Variants in SHROOM4 observed in about 807,000 individuals in gnomAD.
The protein encoded by SHROOM4 is protein Shroom4.
SHROOM4 carries 17 observed loss-of-function variants against 80.3 expected under a neutral mutation model. That is an observed-to-expected ratio of 0.21 (90% confidence interval 0.14 to 0.32). The LOEUF (loss-of-function observed/expected upper bound fraction) is 0.32. Among genes scored for constraint, SHROOM4 ranks in the 10% least tolerant of loss-of-function variants. The pLI, the probability that SHROOM4 is intolerant of heterozygous loss-of-function variation, is 1.00. For synonymous variants in SHROOM4, 400 were observed against 437.5 expected (o/e 0.91, Z 1.07); for missense variants, 993 against 1,140.3 (o/e 0.87, Z 1.86).
chrX:50,634,589 G>T lies in SHROOM4; in HGVS notation c.1484C>A (p.Pro495His). 1.7e-6 allele frequency: 2 copies of T among 1,211,604 alleles called. No individual in the cohort carries two copies. Among genetic ancestry groups the T allele is most frequent in the Non-Finnish European group, 2.2e-6 (2 of 895,496 alleles). ...LVLGHQSQSS[P>H]PHGEADGHPS... ...GTGTCCATCAGCCTCTCCATGTGGGGGACTGCTTTGGCTCTGGTGTCCCAA... is the reference window on the plus strand; with the variant it reads ...GTGTCCATCAGCCTCTCCATGTGGGTGACTGCTTTGGCTCTGGTGTCCCAA... The change falls in exon 4 of 9, where the codon CCC becomes CAC. Residue 495 changes from proline to histidine, a missense_variant. Pro to His is a moderately conservative substitution (Grantham distance 77, BLOSUM62 -2). Coordinates refer to ENST00000376020, the MANE Select transcript of SHROOM4 (RefSeq NM_020717.5).
intron 1 of SHROOM4, among the ~76,000 whole-genome samples, chrX:50,725,113 A>G (rs782090472): frequency 3.6e-5 from 4 of 112,162 alleles, no homozygotes; most frequent in Non-Finnish European, 7.5e-5. Context: ...TACAAGGCAG[A>G]TGTGGCTAAG....
intron 2 of SHROOM4, among the ~76,000 whole-genome samples, chrX:50,654,837 T>C (rs1160783261): frequency 9.3e-6 from 1 of 108,082 alleles, no homozygotes; most frequent in African/African-American, 3.4e-5. Flanking sequence ...GTTTGTTACA[T>C]GGGTATATTG....
At position 50,709,161 on chromosome X, in the gene SHROOM4, TGAAAA is replaced by T. The variant is rs782162321; in HGVS notation, c.118-13229_118-13225del. On this transcript the variant is annotated intron_variant, in intron 1 of 8. Coordinates refer to ENST00000376020, the MANE Select transcript of SHROOM4 (RefSeq NM_020717.5). ...TCTGTAACACGGTCACTGGGACACT[TGAAAA>T]GAAAGAAGCAACGAGAAGCTTGCTG... 2.7e-5 allele frequency among the ~76,000 whole-genome samples: 3 copies of T among 111,244 alleles called. No individual in the cohort carries two copies. The East Asian group carries it at 8.5e-4, about 32-fold the overall frequency.
downstream of SHROOM4, among the ~76,000 whole-genome samples, chrX:50,586,383 G>C (rs1414972290): frequency 2.7e-5 from 3 of 111,769 alleles, no homozygotes; most frequent in Non-Finnish European, 5.6e-5. Context: ...AACACCCAGG[G>C]AGGTGAGTTC....
At chrX:50,758,041 T>G (rs1467662881) in intron 1 of SHROOM4, among the ~76,000 whole-genome samples, 1 of 111,639 alleles carries the variant, frequency 9.0e-6, no homozygotes, top group African/African-American at 3.3e-5. Context: ...TTATTCCATT[T>G]TTTGATGCTA....
intron 1 of SHROOM4, among the ~76,000 whole-genome samples, chrX:50,738,798 T>C (rs1934568659): frequency 9.0e-6 from 1 of 111,484 alleles, no homozygotes; most frequent in South Asian, 3.8e-4. Flanking sequence ...CAAGCTACCA[T>C]TGACTTTTTT....
At chrX:50,756,413 T>G (rs1935040684) in intron 1 of SHROOM4, among the ~76,000 whole-genome samples, 2 of 112,546 alleles carry the variant, frequency 1.8e-5, no homozygotes, top group Admixed American at 1.9e-4. Context: ...TTGGGGTGTT[T>G]CTGCCTTTTG....
intron 1 of SHROOM4, among the ~76,000 whole-genome samples, chrX:50,780,259 A>G (rs1023146704): frequency 5.4e-5 from 6 of 111,732 alleles, no homozygotes; most frequent in Non-Finnish European, 1.1e-4. Flanking sequence ...GCAAAGGGTA[A>G]GAAAGTAGGG....
rs782719466 is a variant in SHROOM4 at position 50,733,396 on chromosome X, T to C, written c.118-37459A>G. On this transcript the variant is annotated intron_variant, in intron 1 of 8. Transcript: ENST00000376020. ...GGCCTAAAAGGAAGTGATTAGGTCATGAGGGCATTGCCCTTATGAATAAAT... is the reference window on the plus strand; with the variant it reads ...GGCCTAAAAGGAAGTGATTAGGTCACGAGGGCATTGCCCTTATGAATAAAT... 3.3e-4 allele frequency among the ~76,000 whole-genome samples: 37 copies of C among 111,796 alleles called. 1 individual carries two copies. Among genetic ancestry groups the C allele is most frequent in the Non-Finnish European group, 5.5e-4 (29 of 53,156 alleles).
At chrX:50,657,471 A>T (rs1407680107) in intron 2 of SHROOM4, among the ~76,000 whole-genome samples, 6 of 110,469 alleles carry the variant, frequency 5.4e-5, no homozygotes, top group African/African-American at 1.6e-4. Context: ...TCATGAAAGC[A>T]TGTTGCACTT....
At chrX:50,775,172 G>A (rs782400617) in intron 1 of SHROOM4, among the ~76,000 whole-genome samples, 3 of 111,576 alleles carry the variant, frequency 2.7e-5, no homozygotes, top group African/African-American at 9.8e-5. Context: ...AGTTTAGACA[G>A]CAGATACCAG....
the SHROOM4 span, among the ~76,000 whole-genome samples, chrX:50,579,956 T>C: frequency 8.9e-6 from 1 of 111,938 alleles, no homozygotes. Flanking sequence ...ACCTCCTCAC[T>C]GTAGTTTACT....
intron 2 of SHROOM4, among the ~76,000 whole-genome samples, chrX:50,651,757 A>G (rs1283438024): frequency 1.4e-4 from 11 of 78,010 alleles, no homozygotes; most frequent in Non-Finnish European, 2.7e-4. Context: ...GACATGCCCC[A>G]GTGTGTGACA....
intron 2 of SHROOM4, among the ~76,000 whole-genome samples, chrX:50,664,805 A>T (rs1371642629): frequency 9.0e-6 from 1 of 110,977 alleles, no homozygotes; most frequent in African/African-American, 3.3e-5. Context: ...TTAATGACAC[A>T]TAGTAGATAT....
intron 2 of SHROOM4, among the ~76,000 whole-genome samples, chrX:50,677,711 C>T (rs1033267319): frequency 9.0e-6 from 1 of 111,545 alleles, no homozygotes; most frequent in Non-Finnish European, 1.9e-5. Context: ...TTCATGCATT[C>T]ATTCATTGAC....
chrX:50,660,497 A>G (rs2147366386), intron 2 of SHROOM4, among the ~76,000 whole-genome samples: 1 of 102,379 alleles, frequency 9.8e-6, no homozygotes, highest in South Asian at 4.7e-4. Context: ...CTTTAATTGT[A>G]AGTGTTGAGC....
chrX:50,742,974 A>G lies in SHROOM4; in HGVS notation c.118-47037T>C, dbSNP rs1224234332. Among the ~76,000 whole-genome samples, 16 of 112,023 alleles carry G rather than the reference A, an allele frequency of 1.4e-4. No homozygotes were observed. In the East Asian group the frequency reaches 4.5e-3, roughly 31 times the overall value. On this transcript the variant is annotated intron_variant, in intron 1 of 8. Transcript: ENST00000376020. ...ATTTAACCCATATGGACTCATGGAC[A>G]TAAAATAAATATCTTGGATTATAAT... is the stretch of plus-strand genomic sequence containing the variant.
chrX:50,791,920 T>C (rs983078709), intron 1 of SHROOM4, among the ~76,000 whole-genome samples: 2 of 110,944 alleles, frequency 1.8e-5, no homozygotes, highest in Non-Finnish European at 3.8e-5. Flanking sequence ...CCAAGTGATC[T>C]TTGAGAAGGG....
intron 1 of SHROOM4, among the ~76,000 whole-genome samples, chrX:50,734,565 C>A (rs2147551883): frequency 9.0e-6 from 1 of 110,952 alleles, no homozygotes; most frequent in South Asian, 3.9e-4. Context: ...AGGTACCCAC[C>A]ACCACGCCTG....
Sources: gnomAD v4.1 joint callset for allele counts (sites outside exome capture counted in the v4.1 genomes callset) on GRCh38, gnomAD v4.1.1 for gene constraint, MANE v1.5 for transcripts, NCBI Gene and HGNC (gene_info 2026-07-23, HGNC 2026-07-21) for gene names.